The following COBL variants were observed in gnomAD, a reference collection of about 807,000 sequenced individuals.
The protein encoded by COBL is cordon-bleu WH2 repeat protein, also known as protein cordon-bleu.
Under a neutral mutation model 98.8 loss-of-function variants are expected in COBL, and 51 were observed. That is an observed-to-expected ratio of 0.52 (90% CI 0.41 to 0.65). The LOEUF (loss-of-function observed/expected upper bound fraction) is 0.65. Ranked by LOEUF, COBL falls within the 30% of genes least tolerant of loss-of-function variation. The probability of loss-of-function intolerance (pLI) is 0.00; values close to 1 mark genes in which losing one functional copy is unlikely to be tolerated. For missense variants in COBL, 1,617 were observed against 1,617.5 expected, an observed-to-expected ratio of 1.00 and a Z score of 0.01; for synonymous variants, 634 against 651.7, an observed-to-expected ratio of 0.97 and a Z score of 0.41.
chr7:51,178,234 A>AT (rs1788602163), intron 5 of COBL, among the ~76,000 whole-genome samples: 1 of 152,150 alleles, frequency 6.6e-6, no homozygotes, highest in African/African-American at 2.4e-5. Context: ...AGGAACAACA[A>AT]TTTTGCATGG....
intron 2 of COBL, among the ~76,000 whole-genome samples, chr7:51,211,368 C>T (rs1468233296): frequency 2.0e-5 from 3 of 152,214 alleles, no homozygotes; most frequent in African/African-American, 7.2e-5. Flanking sequence ...CTGACTGCAT[C>T]CTCTGTGCCT....
chr7:51,275,507 C>T (rs1799217917), intron 1 of COBL, among the ~76,000 whole-genome samples: 1 of 152,156 alleles, frequency 6.6e-6, no homozygotes, highest in Non-Finnish European at 1.5e-5. Flanking sequence ...CATGTGGTCA[C>T]CGCAGCCCAT....
intron 5 of COBL, among the ~76,000 whole-genome samples, chr7:51,158,931 G>A (rs1786484991): frequency 6.6e-6 from 1 of 152,104 alleles, no homozygotes; most frequent in Admixed American, 6.5e-5. Flanking sequence ...ACAGCGCGGG[G>A]GTGCAGGGGC....
chr7:51,193,137 T>C (rs1419916672), intron 3 of COBL, among the ~76,000 whole-genome samples: 2 of 152,242 alleles, frequency 1.3e-5, no homozygotes, highest in Admixed American at 1.3e-4. Context: ...AGCTCCACTG[T>C]AGATCAATTC....
chr7:51,072,029 ATTTG>A (rs1241581152), intron 7 of COBL: 5 of 152,008 alleles, frequency 3.3e-5, no homozygotes, highest in Non-Finnish European at 5.9e-5. Flanking sequence ...TTTGGCTTAT[ATTTG>A]TTTATTATTA....
intron 1 of COBL, among the ~76,000 whole-genome samples, chr7:51,315,967 C>T (rs530428713): frequency 6.6e-6 from 1 of 152,360 alleles, no homozygotes; most frequent in Admixed American, 6.5e-5. Context: ...ACTAGGACGC[C>T]CCTTCCACTG....
intron 6 of COBL, among the ~76,000 whole-genome samples, chr7:51,085,673 A>G (rs1794169245): frequency 6.6e-6 from 1 of 152,186 alleles, no homozygotes; most frequent in Admixed American, 6.5e-5. Context: ...ATGTAAGGAG[A>G]ACAATTCCTT....
intron 6 of COBL, among the ~76,000 whole-genome samples, chr7:51,094,666 CA>C (rs1795116083): frequency 6.6e-6 from 1 of 151,888 alleles, no homozygotes; most frequent in Admixed American, 6.6e-5. Flanking sequence ...AACATGAAAG[CA>C]TATGAATATA....
chr7:51,313,473 G>A (rs916690987), intron 1 of COBL, among the ~76,000 whole-genome samples: 1 of 152,180 alleles, frequency 6.6e-6, no homozygotes, highest in Non-Finnish European at 1.5e-5. Flanking sequence ...TAACAGCTAT[G>A]TGTACATGAA....
At chr7:51,024,431 T>C (rs1787295225) in intron 12 of COBL, among the ~76,000 whole-genome samples, 2 of 152,232 alleles carry the variant, frequency 1.3e-5, no homozygotes, top group South Asian at 4.1e-4. Context: ...GGTCAATCCA[T>C]TACTGAATCA....
intron 6 of COBL, among the ~76,000 whole-genome samples, chr7:51,105,574 C>G (rs1796183319): frequency 6.6e-6 from 1 of 152,076 alleles, no homozygotes; most frequent in South Asian, 2.1e-4. Context: ...CATAGCAAAA[C>G]CCCATCTCTA....
At chr7:51,162,917 G>A (rs1264391611) in intron 5 of COBL, among the ~76,000 whole-genome samples, 1 of 152,216 alleles carries the variant, frequency 6.6e-6, no homozygotes, top group Non-Finnish European at 1.5e-5. Context: ...AGCAGGGGGA[G>A]CACCAATAAA....
At chr7:51,217,572 A>T (rs1793194190) in intron 2 of COBL, among the ~76,000 whole-genome samples, 1 of 151,808 alleles carries the variant, frequency 6.6e-6, no homozygotes, top group Non-Finnish European at 1.5e-5. Flanking sequence ...CAAACTCCTG[A>T]CATCAGGTGA....
At chr7:51,035,517 G>GT (rs1788552964) in intron 8 of COBL, 1 of 152,152 alleles carries the variant, frequency 6.6e-6, no homozygotes, top group Admixed American at 6.5e-5. Context: ...GATGATAGTC[G>GT]TATGTGCTTA....
chr7:51,275,792 G>A (rs1799262791), intron 1 of COBL, among the ~76,000 whole-genome samples: 1 of 152,236 alleles, frequency 6.6e-6, no homozygotes, highest in Non-Finnish European at 1.5e-5. Flanking sequence ...TCCCCTCACA[G>A]TGGAAAATCA....
At chr7:51,083,078 G>A in intron 7 of COBL, 4 of 1,535,734 alleles carry the variant, frequency 2.6e-6, no homozygotes, top group Non-Finnish European at 3.5e-6. Context: ...CGGGTCTGAG[G>A]CCTCGGAACC....
intron 7 of COBL, among the ~76,000 whole-genome samples, chr7:51,052,528 C>T (rs550368514): frequency 2.8e-4 from 42 of 152,272 alleles, no homozygotes; most frequent in African/African-American, 1.0e-3. Context: ...AAGTGTGGGG[C>T]AGTGGATGGC....
chr7:51,083,893 C>T (rs113465839), intron 7 of COBL, among the ~76,000 whole-genome samples: 5,565 of 152,088 alleles, frequency 0.037, 328 homozygotes, highest in African/African-American at 0.13. Flanking sequence ...GGGATTGGCA[C>T]GATCCAACCA....
intron 2 of COBL, among the ~76,000 whole-genome samples, chr7:51,213,827 C>T (rs1376410609): frequency 1.3e-5 from 2 of 152,088 alleles, no homozygotes; most frequent in Admixed American, 6.5e-5. Flanking sequence ...GCCAAGCCCT[C>T]ACAAACCCAC....
Sources: gnomAD v4.1 joint callset for allele counts (sites outside exome capture counted in the v4.1 genomes callset) on GRCh38, gnomAD v4.1.1 for gene constraint, MANE v1.5 for transcripts, NCBI Gene and HGNC (gene_info 2026-07-23, HGNC 2026-07-21) for gene names.